Variants in CSTPP1 observed in about 807,000 individuals in gnomAD.
The protein encoded by CSTPP1 is centriolar satellite-associated tubulin polyglutamylase complex regulator 1.
At chr11:46,981,160 C>T in the CSTPP1 span, among the ~76,000 whole-genome samples, 6 of 151,602 alleles carry the variant, frequency 4.0e-5, no homozygotes, top group Non-Finnish European at 8.8e-5. Context: ...ATGGAAACAA[C>T]CTAAATGTTT....
At chr11:47,052,580 TTC>T in the CSTPP1 span, 5 of 1,571,634 alleles carry the variant, frequency 3.2e-6, no homozygotes, top group Admixed American at 1.8e-5. Flanking sequence ...CCTTCCTTCC[TTC>T]CTCTCTCTCT....
the CSTPP1 span, among the ~76,000 whole-genome samples, chr11:46,937,350 C>T: frequency 3.5e-3 from 4 of 1,158 alleles, no homozygotes; most frequent in South Asian, 0.25. Flanking sequence ...AGGTAACTTG[C>T]GTTAAGTTAG....
the CSTPP1 span, among the ~76,000 whole-genome samples, chr11:47,056,864 G>A: frequency 3.9e-5 from 6 of 152,118 alleles, no homozygotes; most frequent in Non-Finnish European, 8.8e-5. Flanking sequence ...AACTCCTACT[G>A]CATTATTCTT....
At chr11:46,982,482 TA>T in the CSTPP1 span, among the ~76,000 whole-genome samples, 1 of 152,108 alleles carries the variant, frequency 6.6e-6, no homozygotes, top group South Asian at 2.1e-4. Flanking sequence ...TAACTAATGT[TA>T]AGGTGGAAAT....
chr11:47,162,930 A>G, the CSTPP1 span, among the ~76,000 whole-genome samples: 7 of 152,178 alleles, frequency 4.6e-5, no homozygotes, highest in African/African-American at 1.7e-4. Context: ...CTGTAATCCC[A>G]GCACTTTGGG....
chr11:47,030,076 A>G, the CSTPP1 span, among the ~76,000 whole-genome samples: 33 of 152,280 alleles, frequency 2.2e-4, no homozygotes, highest in Admixed American at 1.6e-3. Context: ...GCAGTGAGCT[A>G]TGATCGTACT....
the CSTPP1 span, among the ~76,000 whole-genome samples, chr11:47,048,982 G>A: frequency 6.6e-6 from 1 of 151,980 alleles, no homozygotes; most frequent in Non-Finnish European, 1.5e-5. Context: ...TTTTATTTTT[G>A]TTTTGTTTGT....
At chr11:47,100,305 T>G in the CSTPP1 span, among the ~76,000 whole-genome samples, 1 of 152,228 alleles carries the variant, frequency 6.6e-6, no homozygotes, top group Non-Finnish European at 1.5e-5. Flanking sequence ...GAGCTAAATG[T>G]ATATACTTTT....
the CSTPP1 span, chr11:47,154,931 G>T: frequency 7.1e-6 from 4 of 563,848 alleles, no homozygotes; most frequent in Admixed American, 1.2e-4. Flanking sequence ...CCCGCTCTGG[G>T]TACAGTGTGG....
the CSTPP1 span, among the ~76,000 whole-genome samples, chr11:47,144,320 C>T: frequency 6.6e-6 from 1 of 152,072 alleles, no homozygotes; most frequent in African/African-American, 2.4e-5. Context: ...TCCCAAGTAG[C>T]TAGGATTATA....
At chr11:47,099,764 T>C in the CSTPP1 span, among the ~76,000 whole-genome samples, 2 of 152,228 alleles carry the variant, frequency 1.3e-5, no homozygotes, top group African/African-American at 2.4e-5. Flanking sequence ...TGAAAAAGAT[T>C]AGCCTTTTCC....
the CSTPP1 span, chr11:46,987,483 G>A: frequency 2.0e-6 from 1 of 499,382 alleles, no homozygotes; most frequent in Non-Finnish European, 3.4e-6. Flanking sequence ...TGCCTTTGGT[G>A]CAGCTAGTTT....
the CSTPP1 span, among the ~76,000 whole-genome samples, chr11:47,046,660 C>CTTTTTTTTTTT: frequency 4.3e-4 from 34 of 79,734 alleles, 1 homozygote; most frequent in African/African-American, 7.8e-4. Context: ...ATCTTCTTTT[C>CTTTTTTTTTTT]TTTTTTTTTT....
the CSTPP1 span, among the ~76,000 whole-genome samples, chr11:46,942,755 TTAG>T: frequency 1.3e-5 from 2 of 152,170 alleles, no homozygotes; most frequent in Admixed American, 6.5e-5. Context: ...CTGGTCCCAA[TTAG>T]TAGTTATTAA....
the CSTPP1 span, among the ~76,000 whole-genome samples, chr11:47,021,454 T>G: frequency 3.0e-4 from 45 of 152,196 alleles, no homozygotes; most frequent in African/African-American, 1.0e-3. Flanking sequence ...ATGTGGCCTA[T>G]TATATCCATA....
the CSTPP1 span, chr11:47,155,246 C>T: frequency 6.2e-7 from 1 of 1,613,734 alleles, no homozygotes; most frequent in Non-Finnish European, 8.5e-7. Context: ...CTTCCAGATC[C>T]AGTTTTACTA....
the CSTPP1 span, among the ~76,000 whole-genome samples, chr11:47,102,309 A>C: frequency 6.6e-6 from 1 of 152,132 alleles, no homozygotes; most frequent in Non-Finnish European, 1.5e-5. Context: ...CTTTCTTTAA[A>C]AAAAAAATTA....
the CSTPP1 span, among the ~76,000 whole-genome samples, chr11:47,120,058 T>C: frequency 1.1e-4 from 17 of 152,102 alleles, no homozygotes; most frequent in African/African-American, 4.1e-4. This position sits in a 1 kb window ranked among gnomAD's most constrained non-coding sequence, Gnocchi z 4.2. Flanking sequence ...CTTTCAACCA[T>C]GAGGACAATC....
At chr11:47,028,648 T>C in the CSTPP1 span, among the ~76,000 whole-genome samples, 1 of 152,178 alleles carries the variant, frequency 6.6e-6, no homozygotes, top group Non-Finnish European at 1.5e-5. Flanking sequence ...TTCTGTAACA[T>C]AGACTAGCTG....
Sources: gnomAD v4.1 joint callset for allele counts (sites outside exome capture counted in the v4.1 genomes callset) on GRCh38, gnomAD v4.1.1 for gene constraint, Gnocchi (gnomAD v3.1) non-coding constraint, MANE v1.5 for transcripts, NCBI Gene and HGNC (gene_info 2026-07-23, HGNC 2026-07-21) for gene names.